Variants in ARL15 observed in about 807,000 individuals in gnomAD.
ARL15 encodes ARF like GTPase 15, also known as ADP-ribosylation factor-like protein 15.
Under a neutral mutation model 25.2 loss-of-function variants are expected in ARL15, and 19 were observed. That is an observed-to-expected ratio of 0.75 (90% CI 0.53 to 1.10). ARL15 has a LOEUF of 1.10. ARL15 is among the 50% of genes least tolerant of loss of function. The pLI is 0.00. For missense variants in ARL15, 220 were observed against 246.0 expected (o/e 0.89, Z 0.71); for synonymous variants, 94 against 86.8 (o/e 1.08, Z -0.46).
chr5:53,986,054 T>C (rs1303377677), intron 4 of ARL15, among the ~76,000 whole-genome samples: 1 of 152,220 alleles, frequency 6.6e-6, no homozygotes, highest in Non-Finnish European at 1.5e-5. Context: ...AGAGAACACA[T>C]GTCCACATCC....
At chr5:54,007,083 C>T (rs558270223) in intron 4 of ARL15, among the ~76,000 whole-genome samples, 21 of 152,242 alleles carry the variant, frequency 1.4e-4, no homozygotes, top group African/African-American at 4.6e-4. Flanking sequence ...TTTTACTCTT[C>T]TGAAAGTCAA....
At chr5:54,103,387 A>G (rs1703368) in intron 4 of ARL15, among the ~76,000 whole-genome samples, 131,348 of 152,108 alleles carry the variant, frequency 0.86, 56,879 homozygotes, top group East Asian at 0.98. Context: ...GGTGTGCCTC[A>G]TATCTTCACT....
chr5:54,274,415 A>T (rs1757870536), intron 1 of ARL15, among the ~76,000 whole-genome samples: 1 of 152,220 alleles, frequency 6.6e-6, no homozygotes, highest in South Asian at 2.1e-4. Flanking sequence ...AAAATACAGC[A>T]GTCCTATCAA....
At chr5:53,918,447 C>T (rs1237607466) in intron 4 of ARL15, among the ~76,000 whole-genome samples, 3 of 152,148 alleles carry the variant, frequency 2.0e-5, no homozygotes, top group African/African-American at 7.2e-5. Context: ...CCACCTTGGC[C>T]TCCCAAAGTG....
intron 4 of ARL15, among the ~76,000 whole-genome samples, chr5:54,060,009 T>G (rs1751013272): frequency 6.6e-6 from 1 of 151,830 alleles, no homozygotes; most frequent in Admixed American, 6.6e-5. Context: ...CTGATACGGT[T>G]TGGCTGTGTC....
At chr5:54,239,876 C>T (rs1360468510) in intron 1 of ARL15, among the ~76,000 whole-genome samples, 1 of 152,154 alleles carries the variant, frequency 6.6e-6, no homozygotes, top group Non-Finnish European at 1.5e-5. Flanking sequence ...TTCCCTGGGA[C>T]AGAAATAACT....
intron 4 of ARL15, among the ~76,000 whole-genome samples, chr5:54,053,014 G>A (rs896173638): frequency 6.6e-6 from 1 of 152,176 alleles, no homozygotes; most frequent in Non-Finnish European, 1.5e-5. Context: ...TCAAAGGGAC[G>A]TAGGAGCTAA....
At chr5:53,992,513 C>A (rs1215452677) in intron 4 of ARL15, among the ~76,000 whole-genome samples, 1 of 152,196 alleles carries the variant, frequency 6.6e-6, no homozygotes, top group Non-Finnish European at 1.5e-5. Flanking sequence ...TACCCAAATG[C>A]ATTTTTAAAC....
intron 4 of ARL15, among the ~76,000 whole-genome samples, chr5:53,964,308 C>G (rs139178710): frequency 1.3e-5 from 2 of 152,248 alleles, no homozygotes; most frequent in East Asian, 3.9e-4. Flanking sequence ...TATCTTCTCC[C>G]TTGAGAAAGA....
intron 4 of ARL15, among the ~76,000 whole-genome samples, chr5:53,912,752 G>A (rs1745506288): frequency 6.6e-6 from 1 of 152,152 alleles, no homozygotes; most frequent in Non-Finnish European, 1.5e-5. Context: ...TCAGTGATCT[G>A]AATTCAACTT....
In ARL15 at chr5:54,110,662, A is replaced by G. The variant is rs151027909; in HGVS notation, c.462+2540T>C. On this transcript the variant is annotated intron_variant, in intron 4 of 4. Transcript: ENST00000504924. ...AAATGAGTAAGAATGCTTATCAGCA[A>G]TAGGGCACAGGATGTGCAACACCTT... Among the ~76,000 whole-genome samples, 248 of 152,174 alleles carry G rather than the reference A, an allele frequency of 1.6e-3. 2 individuals are homozygous for G. Among genetic ancestry groups the G allele is most frequent in the Admixed American group, 8.1e-3 (124 of 15,284 alleles).
intron 4 of ARL15, 38 bp downstream of exon 4, chr5:54,113,164 C>T (rs747914970): frequency 8.1e-6 from 13 of 1,599,788 alleles, no homozygotes; most frequent in East Asian, 4.5e-5. Context: ...AAAGTACAAG[C>T]AAGGAAGACA....
intron 4 of ARL15, among the ~76,000 whole-genome samples, chr5:53,892,569 T>C (rs1179725041): frequency 6.6e-6 from 1 of 152,046 alleles, no homozygotes; most frequent in Non-Finnish European, 1.5e-5. Context: ...TGGATTCATA[T>C]TGGTTCTGTT....
At chr5:54,290,099 A>T (rs1365774884) in intron 1 of ARL15, among the ~76,000 whole-genome samples, 1 of 152,114 alleles carries the variant, frequency 6.6e-6, no homozygotes, top group African/African-American at 2.4e-5. Flanking sequence ...GGTAACTCTG[A>T]GATTCCCCAA....
chr5:54,128,851 G>A (rs1250661816), intron 3 of ARL15, among the ~76,000 whole-genome samples: 2 of 151,610 alleles, frequency 1.3e-5, no homozygotes, highest in African/African-American at 4.8e-5. Flanking sequence ...GACTACAGAT[G>A]AGTGCCACCA....
chr5:54,301,255 T>C (rs940517760), intron 1 of ARL15, among the ~76,000 whole-genome samples: 6 of 151,430 alleles, frequency 4.0e-5, no homozygotes, highest in African/African-American at 7.3e-5. Flanking sequence ...TCACTCAACA[T>C]TTTTTTTTAG....
intron 4 of ARL15, among the ~76,000 whole-genome samples, chr5:54,092,115 C>T (rs1013376188): frequency 1.3e-5 from 2 of 151,416 alleles, no homozygotes; most frequent in Non-Finnish European, 1.5e-5. Context: ...AATCTATACA[C>T]GTTCGTTCCG....
intron 1 of ARL15, among the ~76,000 whole-genome samples, chr5:54,175,660 T>TC (rs1561253589): frequency 1.4e-5 from 2 of 142,640 alleles, no homozygotes; most frequent in African/African-American, 2.6e-5. Flanking sequence ...TTTTCTCTCT[T>TC]TTTTTTTTTT....
chr5:54,126,038 A>T (rs1028087281), intron 3 of ARL15, among the ~76,000 whole-genome samples: 4 of 152,106 alleles, frequency 2.6e-5, no homozygotes, highest in East Asian at 1.9e-4. Flanking sequence ...GATTTTTTTT[A>T]AAAAAGAAAA....
Sources: gnomAD v4.1 joint callset for allele counts (sites outside exome capture counted in the v4.1 genomes callset) on GRCh38, gnomAD v4.1.1 for gene constraint, MANE v1.5 for transcripts, NCBI Gene and HGNC (gene_info 2026-07-23, HGNC 2026-07-21) for gene names.